The following AGPAT3 variants were observed in gnomAD, a reference collection of about 807,000 sequenced individuals.
AGPAT3 encodes the protein 1-acylglycerol-3-phosphate O-acyltransferase 3, also known as 1-acyl-sn-glycerol-3-phosphate acyltransferase gamma.
AGPAT3 carries 5 observed loss-of-function variants against 47.3 expected under a neutral mutation model. The ratio of observed to expected loss-of-function variants is 0.11; its 90% CI spans 0.06 to 0.22. AGPAT3 has a LOEUF of 0.22. Among genes scored for constraint, AGPAT3 ranks in the 10% least tolerant of loss-of-function variants. The pLI is 1.00. For synonymous variants in AGPAT3, 212 were observed against 208.3 expected (o/e 1.02, Z -0.15); for missense variants, 315 against 493.0 (o/e 0.64, Z 3.42).
intron 2 of AGPAT3, among the ~76,000 whole-genome samples, chr21:43,937,837 G>A (rs943226008): frequency 2.0e-5 from 3 of 152,126 alleles, no homozygotes; most frequent in Non-Finnish European, 4.4e-5. Context: ...TCATTAGGAC[G>A]CATCCCATGA....
chr21:43,965,777 AT>A (rs5844171), intron 3 of AGPAT3: 32,336 of 151,384 alleles, frequency 0.21, 4,033 homozygotes, highest in African/African-American at 0.35. Flanking sequence ...CATCCAGCTA[AT>A]TTTTTTTATT....
intron 8 of AGPAT3, among the ~76,000 whole-genome samples, chr21:43,979,785 G>A (rs944247936): frequency 2.6e-5 from 4 of 152,162 alleles, no homozygotes; most frequent in Non-Finnish European, 4.4e-5. Flanking sequence ...GGGACATTCC[G>A]GAGGCAGGGA....
At chr21:43,965,604 G>GT (rs111294513) in intron 3 of AGPAT3, 5,776 of 152,088 alleles carry the variant, frequency 0.038, 325 homozygotes, top group African/African-American at 0.12. Flanking sequence ...TGAATTTTAG[G>GT]TTTTTTTTGT....
rs2088221258 is a variant in AGPAT3 at position 43,952,067 on chromosome 21, G to A, written c.-48-7567G>A. Among the ~76,000 whole-genome samples the A allele has an allele frequency of 6.6e-6, 1 of 152,094 alleles. No individual in the cohort carries two copies. The highest frequency in any genetic ancestry group is 1.5e-5 in the Non-Finnish European group (1 of 68,014). ...GGGCAGGCAGGGGGTGGGCTGGATG[G>A]CGGAACACGGGGATGGGCCCGTACC... is the stretch of plus-strand genomic sequence containing the variant. On this transcript the variant is annotated intron_variant, in intron 2 of 9. Coordinates refer to ENST00000291572, the MANE Select transcript of AGPAT3 (RefSeq NM_020132.5). This position sits in a 1 kb window ranked among gnomAD's most constrained non-coding sequence, Gnocchi z 5.6.
Position 43,970,638 on chromosome 21 carries a change from C to T in AGPAT3, c.511-15C>T. 6.2e-7 allele frequency: 1 copy of T among 1,613,220 alleles called. No homozygotes were observed. The highest frequency in any genetic ancestry group is 8.5e-7 in the Non-Finnish European group (1 of 1,179,568). On this transcript the variant is annotated splice_polypyrimidine_tract_variant and intron_variant, in intron 5 of 9. Transcript: ENST00000291572. This position sits in a 1 kb window ranked among gnomAD's most constrained non-coding sequence, Gnocchi z 5.8. ...GCTGCTCTGTGGAGTGACCCTGTCT[C>T]CGTGTTGATCCTAGTTTCTCCTGTA...
At chr21:43,906,467 G>A (rs1214415393) in intron 2 of AGPAT3, among the ~76,000 whole-genome samples, 1 of 152,154 alleles carries the variant, frequency 6.6e-6, no homozygotes, top group African/African-American at 2.4e-5. Context: ...GGTTATCAGA[G>A]AAACGAACTT....
chr21:43,946,490 C>T (rs958909085), intron 2 of AGPAT3, among the ~76,000 whole-genome samples: 15 of 152,016 alleles, frequency 9.9e-5, no homozygotes, highest in African/African-American at 3.4e-4. Flanking sequence ...ATCCCAGCTA[C>T]TTGGGAGGCT....
At chr21:43,866,970 C>G (rs897783679) in intron 1 of AGPAT3, among the ~76,000 whole-genome samples, 14 of 152,372 alleles carry the variant, frequency 9.2e-5, no homozygotes, top group Admixed American at 2.6e-4. Flanking sequence ...GGGTGCTGCC[C>G]CGCCCCAGGC....
chr21:43,889,629 T>C (rs890689142), intron 1 of AGPAT3, among the ~76,000 whole-genome samples: 8 of 152,230 alleles, frequency 5.3e-5, no homozygotes, highest in African/African-American at 1.9e-4. Flanking sequence ...TCCCAGTGCA[T>C]ACAGAAGTTA....
At chr21:43,959,957 A>C (rs1200712554) in intron 3 of AGPAT3, 98 bp downstream of exon 3, 38 of 1,324,676 alleles carry the variant, frequency 2.9e-5, no homozygotes, top group Non-Finnish European at 3.9e-5. Flanking sequence ...GCAGGAAGTG[A>C]GGGCTATGCA....
At chr21:43,968,538 A>G (rs964495413) in intron 4 of AGPAT3, among the ~76,000 whole-genome samples, 1 of 148,724 alleles carries the variant, frequency 6.7e-6, no homozygotes, top group Admixed American at 6.7e-5. Flanking sequence ...GGAGCAGGGG[A>G]CTCCCTGAGG....
In AGPAT3 at chr21:43,875,344, A is replaced by G. The variant is rs564920699; in HGVS notation, c.-112+9999A>G. ...TAATATAGTAGAGAGCAGCAAATTC[A>G]AGTTTTGCTTTTAGGAATTTTTCCA... On this transcript the variant is annotated intron_variant, in intron 1 of 9. Transcript: ENST00000291572. Among the ~76,000 whole-genome samples, 68 of 152,276 alleles carry G rather than the reference A, an allele frequency of 4.5e-4. 1 individual carries two copies. The highest frequency in any genetic ancestry group is 1.5e-3 in the African/African-American group (61 of 41,550).
At chr21:43,941,713 G>A (rs2087661651) in intron 2 of AGPAT3, among the ~76,000 whole-genome samples, 1 of 152,254 alleles carries the variant, frequency 6.6e-6, no homozygotes, top group South Asian at 2.1e-4. Context: ...TGTGACGGGG[G>A]CCATGTATAC....
At chr21:43,874,312 C>T (rs911606470) in intron 1 of AGPAT3, among the ~76,000 whole-genome samples, 3 of 152,254 alleles carry the variant, frequency 2.0e-5, no homozygotes, top group African/African-American at 7.2e-5. Flanking sequence ...AGGCATGAGC[C>T]ACCACGCCCG....
At chr21:43,883,406 A>C (rs1047585175) in intron 1 of AGPAT3, among the ~76,000 whole-genome samples, 1 of 152,170 alleles carries the variant, frequency 6.6e-6, no homozygotes, top group African/African-American at 2.4e-5. Context: ...TACAAGTAGG[A>C]GCCCCTTGCA....
intron 7 of AGPAT3, among the ~76,000 whole-genome samples, chr21:43,975,853 G>A (rs1178391566): frequency 2.0e-5 from 3 of 152,170 alleles, no homozygotes; most frequent in African/African-American, 2.4e-5. Context: ...CTGGTGGCAC[G>A]GGGCCGCCCT....
intron 2 of AGPAT3, among the ~76,000 whole-genome samples, chr21:43,957,447 G>T (rs974378140): frequency 1.3e-5 from 2 of 152,114 alleles, no homozygotes; most frequent in African/African-American, 4.8e-5. Context: ...TGGCAGCACC[G>T]CCAGCCTGAC....
intron 2 of AGPAT3, among the ~76,000 whole-genome samples, chr21:43,924,162 C>T (rs892906534): frequency 2.0e-5 from 3 of 150,946 alleles, no homozygotes; most frequent in East Asian, 1.9e-4. Flanking sequence ...TACAGGTGCC[C>T]GCCAGCACGC....
chr21:43,983,756 G>T lies in AGPAT3; in HGVS notation c.*1364G>T, dbSNP rs991546995. ...TGGTTGCGGTACCATCAGCCCACCT[G>T]CATTTGGCTTTCGACTTGCTTGTTC... On this transcript the variant is annotated 3_prime_UTR_variant, in exon 10 of 10. Coordinates refer to ENST00000291572, the MANE Select transcript of AGPAT3 (RefSeq NM_020132.5). The T allele has an allele frequency of 6.6e-6, 1 of 152,270 alleles. No homozygotes were observed. Among genetic ancestry groups the T allele is most frequent in the Non-Finnish European group, 1.5e-5 (1 of 68,042 alleles). The allele number at this position is 152,270 out of a possible 1,614,324, so 9.4% of individuals were successfully genotyped here.
Sources: gnomAD v4.1 joint callset for allele counts (sites outside exome capture counted in the v4.1 genomes callset) on GRCh38, gnomAD v4.1.1 for gene constraint, Gnocchi (gnomAD v3.1) non-coding constraint, MANE v1.5 for transcripts, NCBI Gene and HGNC (gene_info 2026-07-23, HGNC 2026-07-21) for gene names.